TBC1D5: variants seen among roughly 807,000 people sequenced by gnomAD.
TBC1D5 encodes TBC1 domain family member 5.
In TBC1D5, 75 loss-of-function variants were observed where a neutral mutation model predicts 100.3. That is an observed-to-expected ratio of 0.75 (90% CI 0.62 to 0.91). The LOEUF is 0.91. TBC1D5 is among the 40% of genes least tolerant of loss of function. TBC1D5 has a pLI of 0.00. For synonymous variants in TBC1D5, 323 were observed against 325.6 expected (o/e 0.99, Z 0.09); for missense variants, 910 against 942.4 (o/e 0.97, Z 0.45).
At position 17,734,276 on chromosome 3, in the gene TBC1D5, G is replaced by A. The variant is rs180778646; in HGVS notation, c.-101+5067C>T. On this transcript the variant is annotated intron_variant, in intron 1 of 21. Coordinates refer to ENST00000253692, the Ensembl canonical transcript of TBC1D5. ...ATACCTACATATATATGTGGAGGGC[G>A]GAGGGGGAGAGAAATCCCATTTATA... 2.6e-3 allele frequency among the ~76,000 whole-genome samples: 398 copies of A among 152,184 alleles called. 5 individuals are homozygous for A. Among genetic ancestry groups the A allele is most frequent in the Admixed American group, 0.022 (337 of 15,282 alleles).
intron 18 of TBC1D5, among the ~76,000 whole-genome samples, chr3:17,191,711 C>T (rs1168530160): frequency 2.0e-5 from 3 of 151,796 alleles, no homozygotes; most frequent in Non-Finnish European, 2.9e-5. Flanking sequence ...CTGCCTCCCA[C>T]GTTCAGGCGA....
intron 1 of TBC1D5, among the ~76,000 whole-genome samples, chr3:17,706,422 T>TAC (rs34977117): frequency 0.035 from 5,326 of 151,400 alleles, 134 homozygotes; most frequent in African/African-American, 0.049. Flanking sequence ...CAACTTTACT[T>TAC]ACACACACAC....
chr3:17,597,548 C>T (rs930329053), intron 2 of TBC1D5, among the ~76,000 whole-genome samples: 36 of 152,162 alleles, frequency 2.4e-4, no homozygotes, highest in African/African-American at 8.0e-4. Context: ...ATTATCATTA[C>T]CCACTCTGTT....
intron 14 of TBC1D5, among the ~76,000 whole-genome samples, chr3:17,303,929 T>C (rs986384234): frequency 3.3e-5 from 5 of 151,288 alleles, no homozygotes; most frequent in Admixed American, 3.3e-4. Context: ...GGTTTTTTCT[T>C]GGCTCTTAAT....
intron 9 of TBC1D5, among the ~76,000 whole-genome samples, chr3:17,378,364 T>A (rs2092793585): frequency 6.6e-6 from 1 of 151,834 alleles, no homozygotes; most frequent in Non-Finnish European, 1.5e-5. Context: ...AATATAAAAA[T>A]CACTCTCTCA....
intron 1 of TBC1D5, among the ~76,000 whole-genome samples, chr3:17,679,147 A>T (rs1221358761): frequency 1.3e-5 from 2 of 150,984 alleles, no homozygotes; most frequent in African/African-American, 4.9e-5. Flanking sequence ...ATCTCTGAGG[A>T]GATTGCTAAA....
intron 17 of TBC1D5, among the ~76,000 whole-genome samples, chr3:17,229,148 C>T (rs1355353608): frequency 1.3e-5 from 2 of 151,876 alleles, no homozygotes; most frequent in African/African-American, 2.4e-5. Context: ...TTGCTGGGAA[C>T]GTATAACCTA....
exon 1 of TBC1D5, chr3:17,740,867 A>C (rs999881053): frequency 6.6e-6 from 1 of 152,172 alleles, no homozygotes; most frequent in African/African-American, 2.4e-5. Flanking sequence ...ACAGCACACC[A>C]AGCTTCTAAT....
chr3:17,721,998 A>AACT (rs1027487127), intron 1 of TBC1D5, among the ~76,000 whole-genome samples: 2 of 152,142 alleles, frequency 1.3e-5, no homozygotes, highest in African/African-American at 4.8e-5. Flanking sequence ...TTAATTAATT[A>AACT]ACTACTACTA....
chr3:17,383,112 C>T (rs1487454384), intron 9 of TBC1D5, among the ~76,000 whole-genome samples: 2 of 151,888 alleles, frequency 1.3e-5, no homozygotes, highest in African/African-American at 4.8e-5. Flanking sequence ...AAATGTTTTA[C>T]TATCCTTAAA....
intron 1 of TBC1D5, among the ~76,000 whole-genome samples, chr3:17,646,235 G>A (rs1160534471): frequency 2.6e-5 from 4 of 152,078 alleles, no homozygotes; most frequent in Non-Finnish European, 4.4e-5. Flanking sequence ...AGGACTGCCA[G>A]CAAACAACAG....
intron 13 of TBC1D5, among the ~76,000 whole-genome samples, chr3:17,352,607 T>C (rs956400999): frequency 7.2e-6 from 1 of 139,108 alleles, no homozygotes; most frequent in Non-Finnish European, 1.5e-5. Context: ...CTTCAAATAT[T>C]GAACAGAAGA....
chr3:17,216,405 C>G lies in TBC1D5; in HGVS notation c.1589-2035G>C, dbSNP rs148071255. ...TGTTAGATCTGTATCATGGTCTGCC[C>G]CCATCCCTCTGCCCAACTCTGATTC... On this transcript the variant is annotated intron_variant, in intron 17 of 21. Coordinates refer to ENST00000253692, the Ensembl canonical transcript of TBC1D5. Among the ~76,000 whole-genome samples the G allele has an allele frequency of 5.0e-3, 756 of 152,182 alleles. 3 individuals are homozygous for G. The highest frequency in any genetic ancestry group is 8.8e-3 in the Non-Finnish European group (595 of 67,978).
chr3:17,184,950 AGAGAGT>A, intron 19 of TBC1D5, 153 bp downstream of exon 20: 1 of 489,108 alleles, frequency 2.0e-6, no homozygotes, highest in Non-Finnish European at 3.6e-6. Flanking sequence ...TATATAATGT[AGAGAGT>A]GAGAGTAAGA....
chr3:17,428,699 T>C (rs951758939), intron 3 of TBC1D5, among the ~76,000 whole-genome samples, 180 bp from the exon 4 acceptor site: 1 of 151,956 alleles, frequency 6.6e-6, no homozygotes, highest in Non-Finnish European at 1.5e-5. Context: ...TACCAAAATA[T>C]AAACCAATGC....
At chr3:17,379,827 T>A (rs980053542) in intron 9 of TBC1D5, among the ~76,000 whole-genome samples, 1 of 152,034 alleles carries the variant, frequency 6.6e-6, no homozygotes, top group African/African-American at 2.4e-5. Context: ...TTAATAAGAA[T>A]AGAACAATTA....
At chr3:17,403,342 CT>C in intron 7 of TBC1D5, 94 bp from the exon 8 acceptor site, 1 of 818,916 alleles carries the variant, frequency 1.2e-6, no homozygotes, top group South Asian at 3.1e-5. Flanking sequence ...AAAATTTATT[CT>C]TCTCTGAGAT....
intron 3 of TBC1D5, among the ~76,000 whole-genome samples, chr3:17,485,912 G>C (rs1223577881): frequency 6.6e-6 from 1 of 152,056 alleles, no homozygotes; most frequent in Non-Finnish European, 1.5e-5. Flanking sequence ...CTGAGGAATC[G>C]CCACACTGAC....
At chr3:17,344,380 A>G (rs1424044560) in intron 13 of TBC1D5, among the ~76,000 whole-genome samples, 3 of 152,168 alleles carry the variant, frequency 2.0e-5, no homozygotes, top group Non-Finnish European at 4.4e-5. Context: ...GATCTCTTCA[A>G]GGAGAACTAC....
Sources: allele counts gnomAD v4.1 joint callset (sites outside exome capture counted in the v4.1 genomes callset), GRCh38; gene constraint gnomAD v4.1.1; transcripts MANE v1.5; gene names NCBI Gene and HGNC (gene_info 2026-07-23, HGNC 2026-07-21).